The following JMJD4 variants were observed in gnomAD, a reference collection of about 807,000 sequenced individuals.
JMJD4 encodes jumonji domain containing 4, also known as 2-oxoglutarate and iron-dependent oxygenase JMJD4.
A neutral mutation model predicts 36.3 loss-of-function variants in JMJD4; 34 were observed. The ratio of observed to expected loss-of-function variants is 0.94; its 90% CI spans 0.71 to 1.25. The LOEUF (loss-of-function observed/expected upper bound fraction) is 1.25. Ranked by LOEUF, JMJD4 falls within the 50% of genes most tolerant of loss-of-function variation. The pLI, the probability that JMJD4 is intolerant of heterozygous loss-of-function variation, is 0.00. For missense variants in JMJD4, 584 were observed against 559.1 expected, an observed-to-expected ratio of 1.04 and a Z score of -0.45; for synonymous variants, 269 against 235.3, an observed-to-expected ratio of 1.14 and a Z score of -1.31.
intron 4 of JMJD4, 53 bp from the exon 5 acceptor site, chr1:227,733,080 C>G: frequency 6.3e-7 from 1 of 1,593,704 alleles, no homozygotes; most frequent in Non-Finnish European, 8.6e-7. Context: ...TGCCCCCTGA[C>G]CAACCCACAT....
Position 227,733,982 on chromosome 1 carries a change from T to C in JMJD4, c.479A>G (p.Asp160Gly), listed in dbSNP as rs762859044. The C allele has an allele frequency of 2.0e-5, 32 of 1,613,610 alleles. No individual in the cohort carries two copies. Among genetic ancestry groups the C allele is most frequent in the Non-Finnish European group, 2.5e-5 (29 of 1,179,984 alleles). The change falls in exon 3 of 6, where the codon GAC (aspartate) becomes GGC (glycine). Residue 160 changes from aspartate (D) to glycine (G), a missense_variant. Transcript: ENST00000620518. ...VFTLPVYFSS[D>G]WLNEFWDALD... ...TGCATCCCAGAACTCATTCAGCCAG[T>C]CGGACGAGAAGTACACAGGCAGGGT... is the stretch of plus-strand genomic sequence containing the variant.
chr1:227,734,585 G>A (rs4559498), intron 2 of JMJD4, 66 bp downstream of exon 2: 4 of 1,530,334 alleles, frequency 2.6e-6, no homozygotes, highest in East Asian at 4.5e-5. Flanking sequence ...ACCTTCATCA[G>A]AAAGGCCTCT....
rs201553155 is a variant in JMJD4, at chr1:227,732,495, G to A, written c.1151C>T (p.Ala384Val). 5.8e-4 allele frequency: 934 copies of A among 1,613,222 alleles called. No homozygotes were observed. The highest frequency in any genetic ancestry group is 7.5e-4 in the Non-Finnish European group (882 of 1,180,034). ...RITEVLASLV[A>V]HPDFQRVDTS... ...GTCCACTCTCTGGAAGTCGGGGTGC[G>A]CAACCAAGGAGGCCAGCACCTCTGT... Residue 384 changes from alanine (A) to valine (V), a missense_variant, in exon 6 of 6, where the codon GCG becomes GTG. Transcript: ENST00000620518.
rs201330178 is a variant in JMJD4 at position 227,734,699 on chromosome 1, T to A, written c.380A>T (p.Tyr127Phe). The A allele has an allele frequency of 6.2e-7, 1 of 1,613,718 alleles. No individual in the cohort carries two copies. The highest frequency in any genetic ancestry group is 8.5e-7 in the Non-Finnish European group (1 of 1,179,888). Residue 127 changes from tyrosine (Y) to phenylalanine (F), a missense_variant, in exon 2 of 6, where the codon TAC becomes TTC. Tyr to Phe is a conservative substitution (Grantham distance 22). Transcript: ENST00000620518. ...GTAGAGACAGCCCCTGGGAGAGGAG[T>A]AGCCCGCCTGTATGTACTCTTTCCA... ...TYWKEYIQAG[Y>F]SSPRGCLYLK...
chr1:227,733,257 A>T, intron 4 of JMJD4, 157 bp downstream of exon 4: 1 of 916,414 alleles, frequency 1.1e-6, no homozygotes, highest in Non-Finnish European at 1.6e-6. Flanking sequence ...TGGGTGAAAC[A>T]GAGGCTAGGC....
At chr1:227,733,237 G>A (rs925063945) in intron 4 of JMJD4, 177 bp downstream of exon 4, 22 of 857,000 alleles carry the variant, frequency 2.6e-5, no homozygotes, top group Non-Finnish European at 3.7e-5. Context: ...GTAGACCCAG[G>A]GACCGGCAGT....
At position 227,735,287 on chromosome 1, in the gene JMJD4, G is replaced by A; in HGVS notation, c.-14C>T. ...CTCGCGGTCCATCCAGCTCAGCACGGGTCGAAGGACCCTCCTCCTCACTTC... is the reference window on the plus strand; with the variant it reads ...CTCGCGGTCCATCCAGCTCAGCACGAGTCGAAGGACCCTCCTCCTCACTTC... On this transcript the variant is annotated 5_prime_UTR_variant, in exon 1 of 6. Coordinates refer to ENST00000620518, the MANE Select transcript of JMJD4 (RefSeq NM_023007.3). 1 of 1,606,042 alleles carries A rather than the reference G, an allele frequency of 6.2e-7. No homozygotes were observed. The highest frequency in any genetic ancestry group is 1.7e-5 in the Admixed American group (1 of 59,660).
chr1:227,734,102 G>A, intron 2 of JMJD4, 70 bp from the exon 3 acceptor site: 3 of 1,547,424 alleles, frequency 1.9e-6, no homozygotes, highest in Non-Finnish European at 2.6e-6. Flanking sequence ...GCACGAGTGG[G>A]GCAACTGAGA....
At position 227,733,274 on chromosome 1, in the gene JMJD4, G is replaced by C. The variant is rs761688620; in HGVS notation, c.822+140C>G. On this transcript the variant is annotated intron_variant, in intron 4 of 5. Coordinates refer to ENST00000620518, the MANE Select transcript of JMJD4 (RefSeq NM_023007.3). ...GGTGAAACAGAGGCTAGGCCTCAGC[G>C]ACACCACCTTGTGAAGGGGTCAGCC... The C allele has an allele frequency of 1.9e-5, 18 of 970,488 alleles. No homozygotes were observed. In the South Asian group the frequency reaches 2.9e-4, roughly 16 times the overall value. 60.1% of individuals were successfully genotyped at this position (970,488 alleles called of 1,614,324 possible).
At position 227,732,291 on chromosome 1, in the gene JMJD4, G is replaced by C. The variant is rs1455364783; in HGVS notation, c.*101C>G. ...AGCCAGGCCACAAGCCTCGACAGGGGTGGGCCCCAGGTCACAGGGAGGGCG... is the reference window on the plus strand; with the variant it reads ...AGCCAGGCCACAAGCCTCGACAGGGCTGGGCCCCAGGTCACAGGGAGGGCG... On this transcript the variant is annotated 3_prime_UTR_variant, in exon 6 of 6. Transcript: ENST00000620518. The C allele has an allele frequency of 3.6e-6, 5 of 1,387,204 alleles. No homozygotes were observed. Among genetic ancestry groups the C allele is most frequent in the Non-Finnish European group, 5.0e-6 (5 of 997,082 alleles). The allele number at this position is 1,387,204 out of a possible 1,614,324, so 85.9% of individuals were successfully genotyped here.
In JMJD4 at chr1:227,734,452, A is replaced by G. The variant is rs1175754073; in HGVS notation, c.428+199T>C. The G allele has an allele frequency of 9.9e-6, 5 of 506,564 alleles. No homozygotes were observed. In the East Asian group the frequency reaches 1.6e-4, roughly 16 times the overall value. 31.4% of individuals were successfully genotyped at this position (506,564 alleles called of 1,614,324 possible). ...GGAGATCTCTCTCAAAAAAAAAGGA[A>G]AAAAAACCATATTGACCTCCCAAAG... On this transcript the variant is annotated intron_variant, in intron 2 of 5. Coordinates refer to ENST00000620518, the MANE Select transcript of JMJD4 (RefSeq NM_023007.3).
rs757297162 is a variant in JMJD4, at chr1:227,735,294, G to C, written c.-21C>G. 2.1e-5 allele frequency: 33 copies of C among 1,605,400 alleles called. No individual in the cohort carries two copies. Among genetic ancestry groups the C allele is most frequent in the Non-Finnish European group, 2.7e-5 (32 of 1,177,712 alleles). ...TCCATCCAGCTCAGCACGGGTCGAA[G>C]GACCCTCCTCCTCACTTCCGCCGGA... On this transcript the variant is annotated 5_prime_UTR_variant, in exon 1 of 6. Transcript: ENST00000620518.
chr1:227,733,817 C>G (rs1660848438), intron 3 of JMJD4, 90 bp downstream of exon 3: 8 of 1,589,588 alleles, frequency 5.0e-6, no homozygotes, highest in Non-Finnish European at 6.8e-6. Flanking sequence ...GAGGCCTGTG[C>G]CAAGCAGCCC....
chr1:227,733,345 T>G (rs1571962980), intron 4 of JMJD4, 69 bp downstream of exon 4: 4 of 1,468,128 alleles, frequency 2.7e-6, no homozygotes, highest in Non-Finnish European at 2.7e-6. Flanking sequence ...GCTGGGAGAG[T>G]GGGGAGGTGG....
chr1:227,734,356 A>T, intron 2 of JMJD4: 1 of 263,982 alleles, frequency 3.8e-6, no homozygotes, highest in Non-Finnish European at 7.0e-6. Flanking sequence ...TCTCTTTAAA[A>T]AAAAAAAAAA....
At position 227,732,286 on chromosome 1, in the gene JMJD4, CAG is replaced by C. The variant is rs1323182994; in HGVS notation, c.*104_*105del. 9 of 1,351,296 alleles carry C rather than the reference CAG, an allele frequency of 6.7e-6. No homozygotes were observed. In the African/African-American group the frequency reaches 1.3e-4, roughly 20 times the overall value. The allele number at this position is 1,351,296 out of a possible 1,614,324, so 83.7% of individuals were successfully genotyped here. ...TGAACAGCCAGGCCACAAGCCTCGACAGGGGTGGGCCCCAGGTCACAGGGAGG... is the reference window on the plus strand; with the variant it reads ...TGAACAGCCAGGCCACAAGCCTCGACGGGTGGGCCCCAGGTCACAGGGAGG... On this transcript the variant is annotated 3_prime_UTR_variant, in exon 6 of 6. Transcript: ENST00000620518.
chr1:227,732,959 C>T lies in JMJD4; in HGVS notation c.891G>A (p.Leu297=), dbSNP rs199819489. The part of the protein sequence containing the change: ...GFNLANMWRF[L]QQELCAVQEE... Reference sequence around the variant, plus strand: ...CCTGCACGGCGCATAGCTCCTGCTGCAAGAAGCGCCACATGTTGGCCAGGT... The same window carrying T: ...CCTGCACGGCGCATAGCTCCTGCTGTAAGAAGCGCCACATGTTGGCCAGGT... Residue 297 remains leucine (L), a synonymous_variant, in exon 5 of 6, where the codon TTG becomes TTA. Coordinates refer to ENST00000620518, the MANE Select transcript of JMJD4 (RefSeq NM_023007.3). 1.9e-5 allele frequency: 30 copies of T among 1,613,366 alleles called. No homozygotes were observed. In the East Asian group the frequency reaches 5.6e-4, roughly 30 times the overall value.
chr1:227,733,126 T>C (rs984548522), intron 4 of JMJD4, 99 bp from the exon 5 acceptor site: 2 of 1,362,686 alleles, frequency 1.5e-6, no homozygotes, highest in Non-Finnish European at 2.0e-6. Flanking sequence ...GGTCCAGCCC[T>C]CTGCAGCCAA....
At chr1:227,733,097 C>T (rs974715930) in intron 4 of JMJD4, 70 bp from the exon 5 acceptor site, 50 of 1,535,764 alleles carry the variant, frequency 3.3e-5, no homozygotes, top group African/African-American at 1.5e-4. Context: ...ACATCTCCTG[C>T]GCCAGGAACC....
Sources: gnomAD v4.1 joint callset for allele counts on GRCh38, gnomAD v4.1.1 for gene constraint, MANE v1.5 for transcripts, NCBI Gene and HGNC (gene_info 2026-07-23, HGNC 2026-07-21) for gene names.